The following MAP3K19 variants were observed in gnomAD, a reference collection of about 807,000 sequenced individuals.
MAP3K19 encodes the protein mitogen-activated protein kinase kinase kinase 19, also known as SPS1/STE20-related protein kinase YSK4.
A neutral mutation model predicts 114.4 loss-of-function variants in MAP3K19; 91 were observed. That is an observed-to-expected ratio of 0.80 (90% CI 0.67 to 0.95). The LOEUF (loss-of-function observed/expected upper bound fraction) is 0.95, where lower values mean the gene tolerates loss of function less well. Among genes scored for constraint, MAP3K19 ranks in the 40% least tolerant of loss-of-function variants. MAP3K19 has a pLI of 0.00. For missense variants in MAP3K19, 1,471 were observed against 1,573.2 expected (o/e 0.94, Z 1.10); for synonymous variants, 518 against 530.5 (o/e 0.98, Z 0.32).
At chr2:134,970,682 C>T (rs1683810192) in intron 12 of MAP3K19, among the ~76,000 whole-genome samples, 1 of 151,356 alleles carries the variant, frequency 6.6e-6, no homozygotes, top group South Asian at 2.1e-4. Context: ...ACTGCAAGCT[C>T]CACCTCCCGG....
chr2:135,021,911 A>T (rs1016352663), intron 4 of MAP3K19, 81 bp from the exon 5 acceptor site: 1 of 796,018 alleles, frequency 1.3e-6, no homozygotes, highest in Non-Finnish European at 1.9e-6. Context: ...CTATGTTCTA[A>T]AATCAGCTCC....
intron 3 of MAP3K19, among the ~76,000 whole-genome samples, chr2:135,027,055 G>A (rs1023925680): frequency 3.9e-5 from 6 of 152,094 alleles, no homozygotes; most frequent in African/African-American, 1.4e-4. Context: ...AGACCAGCAT[G>A]GGCAATATAG....
At chr2:134,977,154 C>G (rs1406135573) in intron 12 of MAP3K19, among the ~76,000 whole-genome samples, 3 of 150,630 alleles carry the variant, frequency 2.0e-5, no homozygotes, top group Admixed American at 6.6e-5. Context: ...GAACTGGATA[C>G]CATTTCTAGC....
At chr2:135,004,330 A>T (rs560477298) in intron 6 of MAP3K19, among the ~76,000 whole-genome samples, 72 of 152,278 alleles carry the variant, frequency 4.7e-4, no homozygotes, top group African/African-American at 1.6e-3. Context: ...TTCAGGCTTA[A>T]TGGTTTTCAT....
In MAP3K19 at chr2:134,981,150, A is replaced by C. The variant is rs758010860; in HGVS notation, c.3591T>G (p.Thr1197=). ...CAAAGTCAATCAGCTTTATTATTCC[A>C]GTTGGCATGAGCATAACATTATTTC... The part of the protein sequence containing the change: ...IKGNNVMLMP[T]GIIKLIDFGC... Residue 1197 remains threonine, a synonymous_variant, in exon 12 of 13, where the codon ACT becomes ACG. Coordinates refer to ENST00000392915, the MANE Select transcript of MAP3K19 (RefSeq NM_025052.5). 8 of 1,614,040 alleles carry C rather than the reference A, an allele frequency of 5.0e-6. No individual in the cohort carries two copies. Among genetic ancestry groups the C allele is most frequent in the Non-Finnish European group, 6.8e-6 (8 of 1,180,056 alleles).
intron 11 of MAP3K19, 55 bp downstream of exon 11, chr2:134,983,621 G>A: frequency 7.4e-7 from 1 of 1,353,256 alleles, no homozygotes; most frequent in African/African-American, 1.5e-5. Context: ...AGGGGTGGAG[G>A]GAGGGACTGT....
At chr2:134,976,306 C>T (rs910592424) in intron 12 of MAP3K19, among the ~76,000 whole-genome samples, 1 of 152,208 alleles carries the variant, frequency 6.6e-6, no homozygotes, top group Non-Finnish European at 1.5e-5. Flanking sequence ...GCTCCATATT[C>T]TAGTCTCAGT....
Position 134,986,545 on chromosome 2 carries a change from A to C in MAP3K19, c.2327T>G (p.Phe776Cys), listed in dbSNP as rs770862243. ...ATGAATTTCATCTTTGGAAGATAGA[A>C]ACTCATTTCCTGAAGACTTTATCTG... ...DWQIKSSGNEFLSSKDEIHPM... is the reference protein window; with the variant it reads ...DWQIKSSGNECLSSKDEIHPM... The change falls in exon 10 of 13, where the codon TTT (phenylalanine) becomes TGT (cysteine). Residue 776 changes from phenylalanine to cysteine, a missense_variant. Physicochemically the swap from Phe to Cys is radical, Grantham distance 205. Transcript: ENST00000392915. The C allele has an allele frequency of 1.9e-6, 3 of 1,614,128 alleles. No individual in the cohort carries two copies. In the South Asian group the frequency reaches 3.3e-5, roughly 18 times the overall value.
At chr2:134,968,108 T>C (rs886641481) in intron 12 of MAP3K19, among the ~76,000 whole-genome samples, 9 of 152,128 alleles carry the variant, frequency 5.9e-5, no homozygotes, top group Non-Finnish European at 1.0e-4. Flanking sequence ...AAGCACATCT[T>C]GCACCGCCCC....
intron 6 of MAP3K19, among the ~76,000 whole-genome samples, chr2:135,004,506 T>G (rs1559171714): frequency 1.3e-5 from 2 of 152,024 alleles, no homozygotes; most frequent in South Asian, 4.1e-4. Context: ...TGCGAAGGGA[T>G]GAGAAACACG....
intron 5 of MAP3K19, among the ~76,000 whole-genome samples, chr2:135,013,461 G>T (rs1302283692): frequency 1.3e-5 from 2 of 152,036 alleles, no homozygotes; most frequent in Non-Finnish European, 2.9e-5. Flanking sequence ...TAACATTAAG[G>T]TTCACTCCTG....
At chr2:134,965,918 T>C (rs1017278527) in intron 12 of MAP3K19, among the ~76,000 whole-genome samples, 1 of 152,214 alleles carries the variant, frequency 6.6e-6, no homozygotes, top group Admixed American at 6.5e-5. Flanking sequence ...CTGATAACTA[T>C]CATTCTACTC....
At chr2:135,028,569 A>AT (rs1688308037) in intron 3 of MAP3K19, among the ~76,000 whole-genome samples, 1 of 152,062 alleles carries the variant, frequency 6.6e-6, no homozygotes, top group South Asian at 2.1e-4. Context: ...AAAAAAAAAA[A>AT]AAAAATTTAA....
chr2:135,001,246 G>T, intron 6 of MAP3K19, among the ~76,000 whole-genome samples: 1 of 152,082 alleles, frequency 6.6e-6, no homozygotes, highest in Non-Finnish European at 1.5e-5. Context: ...TAAAAATGTA[G>T]CTAGCTTTGG....
chr2:135,039,499 C>T (rs1688605160), intron 2 of MAP3K19, among the ~76,000 whole-genome samples: 1 of 152,082 alleles, frequency 6.6e-6, no homozygotes, highest in Non-Finnish European at 1.5e-5. Flanking sequence ...TGGAGAATCA[C>T]CTGAGTCTGG....
chr2:135,017,978 A>G (rs896602036), intron 5 of MAP3K19, among the ~76,000 whole-genome samples: 16 of 152,238 alleles, frequency 1.1e-4, no homozygotes, highest in African/African-American at 3.1e-4. Context: ...GTTAAAATGC[A>G]AAGTACACAT....
At chr2:134,978,217 C>T (rs954359510) in intron 12 of MAP3K19, among the ~76,000 whole-genome samples, 1 of 149,518 alleles carries the variant, frequency 6.7e-6, no homozygotes, top group Admixed American at 6.7e-5. Context: ...GACAGAGTCT[C>T]ACTCTGTCCC....
chr2:135,000,052 T>C lies in MAP3K19; in HGVS notation c.236-37A>G, dbSNP rs778270956. ...TACCACAGTAGTAGAAGGAAGAAAG[T>C]AATGAATTCCAGCGGAAAGCGGGAG... On this transcript the variant is annotated intron_variant, in intron 6 of 12. Coordinates refer to ENST00000392915, the MANE Select transcript of MAP3K19 (RefSeq NM_025052.5). 6.6e-6 allele frequency: 9 copies of C among 1,365,142 alleles called. No individual in the cohort carries two copies. In the Admixed American group the frequency reaches 1.4e-4, roughly 21 times the overall value. The allele number at this position is 1,365,142 out of a possible 1,614,324, so 84.6% of individuals were successfully genotyped here. A position where few individuals can be genotyped will look rare whatever the true frequency, so the allele number is the denominator to read the frequency against.
At chr2:135,031,755 T>C (rs1688385702) in intron 2 of MAP3K19, among the ~76,000 whole-genome samples, 1 of 152,228 alleles carries the variant, frequency 6.6e-6, no homozygotes, top group Non-Finnish European at 1.5e-5. Flanking sequence ...ATTTAGTGGC[T>C]GAGGGCATAA....
Sources: allele counts gnomAD v4.1 joint callset (sites outside exome capture counted in the v4.1 genomes callset), GRCh38; gene constraint gnomAD v4.1.1; transcripts MANE v1.5; gene names NCBI Gene and HGNC (gene_info 2026-07-23, HGNC 2026-07-21).